Variants in TRPM6 observed in about 807,000 individuals in gnomAD.
TRPM6 encodes the protein channel kinase 2.
In TRPM6, 111 loss-of-function variants were observed where a neutral mutation model predicts 247.6. The ratio of observed to expected loss-of-function variants is 0.45; its 90% CI spans 0.38 to 0.52. TRPM6 has a LOEUF of 0.52. TRPM6 is among the 20% of genes least tolerant of loss of function. The pLI, the probability that TRPM6 is intolerant of heterozygous loss-of-function variation, is 0.00. For missense variants in TRPM6, 2,126 were observed against 2,421.5 expected, an observed-to-expected ratio of 0.88 and a Z score of 2.56; for synonymous variants, 892 against 853.8, an observed-to-expected ratio of 1.04 and a Z score of -0.78.
At chr9:74,837,647 C>T (rs1337797481) in intron 5 of TRPM6, among the ~76,000 whole-genome samples, 2 of 151,872 alleles carry the variant, frequency 1.3e-5, no homozygotes, top group East Asian at 1.9e-4. Flanking sequence ...GGGGTTTCAC[C>T]GTGTTGGCCA....
chr9:74,748,653 G>T (rs370721381), intron 30 of TRPM6, among the ~76,000 whole-genome samples: 1 of 152,058 alleles, frequency 6.6e-6, no homozygotes, highest in African/African-American at 2.4e-5. Context: ...TCTAGAATAA[G>T]GATATAAAGA....
At position 74,739,385 on chromosome 9, in the gene TRPM6, GT is replaced by G; in HGVS notation, c.5551del (p.Thr1851ProfsTer13). On this transcript the variant is annotated frameshift_variant, in exon 35 of 39. Coordinates refer to ENST00000360774, the MANE Select transcript of TRPM6 (RefSeq NM_017662.5). ...IYTFNQVKPQ[T>X]IPYTPRFLEV... The stretch of plus-strand genomic sequence containing the variant: ...TTCTTACCTTGGTGTGTAGGGTATG[GT>G]TTGTGGTTTCACTTGGTTGAAGGTA... The G allele has an allele frequency of 6.2e-7, 1 of 1,614,168 alleles. No homozygotes were observed. The highest frequency in any genetic ancestry group is 1.1e-5 in the South Asian group (1 of 91,076).
intron 1 of TRPM6, among the ~76,000 whole-genome samples, chr9:74,862,050 G>A (rs1311059727): frequency 2.4e-5 from 3 of 123,500 alleles, no homozygotes; most frequent in African/African-American, 9.1e-5. Context: ...CAAGAATGTG[G>A]AAACTTTCCT....
chr9:74,840,555 C>G (rs760537378), intron 4 of TRPM6, among the ~76,000 whole-genome samples: 6 of 152,180 alleles, frequency 3.9e-5, no homozygotes. Flanking sequence ...TGGCTCACGC[C>G]TGTAATTCCA....
At chr9:74,846,585 C>T (rs1013131335) in intron 3 of TRPM6, among the ~76,000 whole-genome samples, 2 of 151,962 alleles carry the variant, frequency 1.3e-5, no homozygotes, top group Non-Finnish European at 2.9e-5. Flanking sequence ...CTCTCTGTTG[C>T]CCAGGCTGGA....
chr9:74,727,398 A>G (rs1587443497), intron 38 of TRPM6, among the ~76,000 whole-genome samples: 3 of 151,694 alleles, frequency 2.0e-5, no homozygotes, highest in African/African-American at 4.8e-5. Context: ...AAAAAAAAAA[A>G]AAAAAAGAAA....
At chr9:74,803,741 C>T in intron 15 of TRPM6, 53 bp downstream of exon 15, 1 of 1,244,394 alleles carries the variant, frequency 8.0e-7, no homozygotes, top group Non-Finnish European at 1.2e-6. Context: ...AAGAAACAGT[C>T]TCGAGCTGCA....
At chr9:74,826,483 C>T (rs1029973818) in intron 7 of TRPM6, among the ~76,000 whole-genome samples, 7 of 152,104 alleles carry the variant, frequency 4.6e-5, no homozygotes, top group Non-Finnish European at 5.9e-5. Flanking sequence ...AGATTTAATT[C>T]GGCACAAGAG....
intron 18 of TRPM6, among the ~76,000 whole-genome samples, chr9:74,794,981 T>C (rs2118982479): frequency 6.6e-6 from 1 of 151,788 alleles, no homozygotes; most frequent in South Asian, 2.1e-4. Context: ...CAGTCATATT[T>C]CCCACTTAAT....
intron 37 of TRPM6, among the ~76,000 whole-genome samples, chr9:74,729,085 C>T (rs768194313): frequency 8.5e-5 from 13 of 152,162 alleles, no homozygotes; most frequent in African/African-American, 9.7e-5. Context: ...ATATCAAAGG[C>T]GACCATCATT....
intron 3 of TRPM6, among the ~76,000 whole-genome samples, chr9:74,850,146 C>A (rs914957488): frequency 2.0e-5 from 3 of 151,206 alleles, no homozygotes; most frequent in Non-Finnish European, 4.4e-5. Flanking sequence ...CCAAGGCGGG[C>A]GGATCACTTG....
rs1490926965 is a variant in TRPM6 at position 74,724,728 on chromosome 9, T to C, written c.5954A>G (p.Tyr1985Cys). The C allele has an allele frequency of 3.7e-6, 6 of 1,614,046 alleles. No homozygotes were observed. Among genetic ancestry groups the C allele is most frequent in the Non-Finnish European group, 5.1e-6 (6 of 1,180,016 alleles). The change falls in exon 39 of 39, where the codon TAT (tyrosine) becomes TGT (cysteine). Residue 1985 changes from tyrosine (Y) to cysteine (C), a missense_variant. By Grantham distance (194) the Tyr-to-Cys change is radical (BLOSUM62 -2). This residue lies in a region of TRPM6 where 327 missense variants were observed against 397.7 expected (regional missense o/e 0.82). Transcript: ENST00000360774. ...GGTGGAATTTATCCTTTCAGGGGAA[T>C]AGTCATTTCTTTTTAAATCTGCAAG... ...LKLPDLKRNDYSPERINSTFG... is the reference protein window; with the variant it reads ...LKLPDLKRNDCSPERINSTFG...
intron 1 of TRPM6, among the ~76,000 whole-genome samples, chr9:74,866,849 T>C (rs1475052141): frequency 6.6e-6 from 1 of 152,204 alleles, no homozygotes; most frequent in African/African-American, 2.4e-5. Context: ...TTCATAATCA[T>C]AAAAACTACC....
At chr9:74,810,759 A>C in intron 13 of TRPM6, 56 bp downstream of exon 13, 1 of 1,524,372 alleles carries the variant, frequency 6.6e-7, no homozygotes, top group Non-Finnish European at 9.1e-7. Flanking sequence ...TGACTCCTCC[A>C]ACACAAAGCT....
At chr9:74,755,252 T>C in intron 28 of TRPM6, 101 bp downstream of exon 28, 2 of 1,238,894 alleles carry the variant, frequency 1.6e-6, no homozygotes, top group South Asian at 2.4e-5. Context: ...TTCCCTCATC[T>C]CCATGTGAAA....
intron 37 of TRPM6, among the ~76,000 whole-genome samples, chr9:74,730,779 AGACGTAATTCCCCAT>A (rs1825494837): frequency 6.6e-6 from 1 of 152,188 alleles, no homozygotes; most frequent in East Asian, 1.9e-4. Flanking sequence ...TGAACTAATC[AGACGTAATTCCCCAT>A]GATCATGGGA....
intron 1 of TRPM6, chr9:74,887,137 C>G (rs1481074603): frequency 1.4e-6 from 1 of 727,612 alleles, no homozygotes; most frequent in African/African-American, 1.8e-5. Context: ...CATATGCCAG[C>G]GGTGGAGAGG....
chr9:74,752,329 T>G lies in TRPM6; in HGVS notation c.4946A>C (p.Glu1649Ala), dbSNP rs773303355. The change falls in exon 29 of 39, where the codon GAA (glutamate) becomes GCA (alanine). Residue 1649 changes from glutamate to alanine, a missense_variant. Glu to Ala is a moderately radical substitution (Grantham distance 107). This residue lies in a region of TRPM6 where 717 missense variants were observed against 715.9 expected (regional missense o/e 1.00). Coordinates refer to ENST00000360774, the MANE Select transcript of TRPM6 (RefSeq NM_017662.5). ...PYIHQKMKTK[E>A]IGQCAIQISD... ...GATTTGTATAGCACATTGTCCAATT[T>G]CTTTAGTTTTCATTTTCTGATGTAT... 5.0e-6 allele frequency: 8 copies of G among 1,600,826 alleles called. No homozygotes were observed. In the East Asian group the frequency reaches 1.8e-4, roughly 36 times the overall value.
At chr9:74,857,688 T>C (rs6560416) in intron 2 of TRPM6, 110,421 of 152,072 alleles carry the variant, frequency 0.73, 40,698 homozygotes, top group African/African-American at 0.85. Flanking sequence ...CTCACTTCGG[T>C]AGCACACATA....
Sources: allele counts gnomAD v4.1 joint callset (sites outside exome capture counted in the v4.1 genomes callset), GRCh38; gene constraint gnomAD v4.1.1; regional missense constraint gnomAD v4.1.1; transcripts MANE v1.5; gene names NCBI Gene and HGNC (gene_info 2026-07-23, HGNC 2026-07-21).